The following ANKRD44 variants were observed in gnomAD, a reference collection of about 807,000 sequenced individuals.
ANKRD44 encodes the protein ankyrin repeat domain 44.
Under a neutral mutation model 116.0 loss-of-function variants are expected in ANKRD44, and 35 were observed. That is an observed-to-expected ratio of 0.30 (90% CI 0.23 to 0.40). The LOEUF is 0.40. Among genes scored for constraint, ANKRD44 ranks in the 10% least tolerant of loss-of-function variants. ANKRD44 has a pLI of 1.00. For synonymous variants in ANKRD44, 435 were observed against 461.8 expected, an observed-to-expected ratio of 0.94 and a Z score of 0.74; for missense variants, 1,014 against 1,242.6, an observed-to-expected ratio of 0.82 and a Z score of 2.77.
intron 1 of ANKRD44, among the ~76,000 whole-genome samples, chr2:197,291,408 G>C (rs2083566208): frequency 6.6e-6 from 1 of 152,146 alleles, no homozygotes; most frequent in Non-Finnish European, 1.5e-5. Flanking sequence ...TACTTGGGAG[G>C]CTGAGGCAGG....
chr2:197,003,442 A>G (rs2076149449), intron 21 of ANKRD44, among the ~76,000 whole-genome samples: 1 of 152,206 alleles, frequency 6.6e-6, no homozygotes, highest in South Asian at 2.1e-4. Context: ...GCATCCACAC[A>G]TAGCATTCCT....
Position 197,086,698 on chromosome 2 carries a change from T to A in ANKRD44, c.1298A>T (p.Lys433Ile), listed in dbSNP as rs933344203. 9.3e-6 allele frequency: 15 copies of A among 1,613,966 alleles called. No homozygotes were observed. Among genetic ancestry groups the A allele is most frequent in the Non-Finnish European group, 1.3e-5 (15 of 1,179,856 alleles). ...LLQSSGADFH[K>I]KDKCGRTPLH... is the part of the protein sequence containing the mutation. ...TACATACCTCCCACACTTGTCCTTT[T>A]TATGGAAATCTGCTCCGCTGCTCTG... Residue 433 changes from lysine (K) to isoleucine (I), a missense_variant, in exon 13 of 28, where the codon AAA becomes ATA. By Grantham distance (102) the Lys-to-Ile change is moderately radical (BLOSUM62 -3). Transcript: ENST00000282272.
At chr2:197,197,809 CAAAAAAAAA>C (rs199994103) in intron 1 of ANKRD44, among the ~76,000 whole-genome samples, 1 of 114,170 alleles carries the variant, frequency 8.8e-6, no homozygotes, top group African/African-American at 3.9e-5. Context: ...AATCCTGTCT[CAAAAAAAAA>C]AAAAAAAAAA....
intron 1 of ANKRD44, among the ~76,000 whole-genome samples, chr2:197,217,086 C>A (rs973398039): frequency 1.3e-5 from 2 of 152,122 alleles, no homozygotes; most frequent in African/African-American, 4.8e-5. Flanking sequence ...CACTGTTTGC[C>A]AACTGAGTCT....
intron 2 of ANKRD44, among the ~76,000 whole-genome samples, chr2:197,164,687 C>T (rs1055065360): frequency 2.4e-4 from 37 of 152,182 alleles, no homozygotes; most frequent in Non-Finnish European, 4.9e-4. Context: ...TTTCTCGCCA[C>T]CAGGCCTCCG....
At chr2:197,109,984 T>C (rs1409903147) in intron 9 of ANKRD44, among the ~76,000 whole-genome samples, 1 of 151,058 alleles carries the variant, frequency 6.6e-6, no homozygotes, top group African/African-American at 2.4e-5. Context: ...CCTGTGAATT[T>C]TTTTTTTTTT....
chr2:197,278,800 C>T (rs1278735809), intron 1 of ANKRD44, among the ~76,000 whole-genome samples: 1 of 152,254 alleles, frequency 6.6e-6, no homozygotes, highest in Non-Finnish European at 1.5e-5. Context: ...AGGTCGCCAG[C>T]AAGCAAGTGC....
intron 2 of ANKRD44, among the ~76,000 whole-genome samples, chr2:197,162,271 T>G (rs1346862347): frequency 1.3e-5 from 2 of 152,222 alleles, no homozygotes; most frequent in Admixed American, 1.3e-4. Context: ...CTTCCCACCC[T>G]AAATGTGACA....
At chr2:197,225,466 T>C (rs1025663537) in intron 1 of ANKRD44, among the ~76,000 whole-genome samples, 6 of 152,000 alleles carry the variant, frequency 3.9e-5, no homozygotes, top group African/African-American at 1.5e-4. Flanking sequence ...GCCTCAGCCT[T>C]CTAAGTAGCT....
At chr2:197,060,673 A>G (rs1030313049) in intron 16 of ANKRD44, among the ~76,000 whole-genome samples, 9 of 152,238 alleles carry the variant, frequency 5.9e-5, no homozygotes, top group South Asian at 4.1e-4. Flanking sequence ...TCTTTGACCA[A>G]CATCTCCCCA....
intron 9 of ANKRD44, among the ~76,000 whole-genome samples, chr2:197,108,841 A>AAACAACAAC (rs138617040): frequency 7.3e-5 from 11 of 149,970 alleles, no homozygotes; most frequent in African/African-American, 2.7e-4. Context: ...GTGTCTTAAA[A>AAACAACAAC]AACAACAACA....
At chr2:197,015,746 G>A (rs1157426490) in intron 17 of ANKRD44, 6 of 543,758 alleles carry the variant, frequency 1.1e-5, no homozygotes, top group South Asian at 7.5e-5. Flanking sequence ...GGTAGAGGGG[G>A]CTATGGTGGT....
intron 1 of ANKRD44, among the ~76,000 whole-genome samples, chr2:197,235,937 T>C (rs182550768): frequency 1.6e-4 from 25 of 152,212 alleles, no homozygotes; most frequent in African/African-American, 5.1e-4. Context: ...AAGTGCAGAA[T>C]TAGTTGATGA....
intron 18 of ANKRD44, 96 bp downstream of exon 18, chr2:197,013,415 T>TA: frequency 7.3e-7 from 1 of 1,369,076 alleles, no homozygotes; most frequent in Non-Finnish European, 1.0e-6. Flanking sequence ...AATTGATATT[T>TA]AAAAAACTGG....
chr2:196,984,546 T>C (rs2125867132), downstream of ANKRD44, among the ~76,000 whole-genome samples: 1 of 152,356 alleles, frequency 6.6e-6, no homozygotes. Flanking sequence ...TTAAGTGTGT[T>C]AAGTGAGGGA....
At chr2:197,088,798 C>T in intron 11 of ANKRD44, 24 bp from the exon 12 acceptor site, 1 of 1,612,058 alleles carries the variant, frequency 6.2e-7, no homozygotes, top group Non-Finnish European at 8.5e-7. Context: ...GTGCTCATTA[C>T]TAAACAAGGA....
At chr2:197,260,591 T>G (rs2082575999) in intron 1 of ANKRD44, among the ~76,000 whole-genome samples, 1 of 151,958 alleles carries the variant, frequency 6.6e-6, no homozygotes, top group African/African-American at 2.4e-5. Flanking sequence ...CCTTTGGGTA[T>G]ATGCCCAGTA....
chr2:197,180,807 A>G (rs564295130), intron 2 of ANKRD44, among the ~76,000 whole-genome samples: 1 of 152,306 alleles, frequency 6.6e-6, no homozygotes, highest in African/African-American at 2.4e-5. Context: ...GTGGAGCCAT[A>G]TTGAGTCCTT....
At chr2:197,257,609 G>C (rs539168784) in intron 1 of ANKRD44, among the ~76,000 whole-genome samples, 2 of 152,100 alleles carry the variant, frequency 1.3e-5, no homozygotes, top group Admixed American at 6.5e-5. Context: ...GTAACACAAA[G>C]GATAAATGCT....
Sources: gnomAD v4.1 joint callset for allele counts (sites outside exome capture counted in the v4.1 genomes callset) on GRCh38, gnomAD v4.1.1 for gene constraint, MANE v1.5 for transcripts, NCBI Gene and HGNC (gene_info 2026-07-23, HGNC 2026-07-21) for gene names.